The following CDK19 variants were observed in gnomAD, a reference collection of about 807,000 sequenced individuals.
CDK19 encodes cyclin-dependent kinase 19.
CDK19 carries 20 observed loss-of-function variants against 68.3 expected under a neutral mutation model. The ratio of observed to expected loss-of-function variants is 0.29; its 90% CI spans 0.21 to 0.43. The LOEUF (loss-of-function observed/expected upper bound fraction) is 0.43, where lower values mean the gene tolerates loss of function less well. Ranked by LOEUF, CDK19 falls within the 20% of genes least tolerant of loss-of-function variation. The probability of loss-of-function intolerance (pLI) is 1.00; values close to 1 mark genes in which losing one functional copy is unlikely to be tolerated. For synonymous variants in CDK19, 221 were observed against 222.8 expected (o/e 0.99, Z 0.07); for missense variants, 339 against 623.5 (o/e 0.54, Z 4.86).
At chr6:110,730,314 A>C (rs1776657360) in intron 2 of CDK19, among the ~76,000 whole-genome samples, 1 of 152,220 alleles carries the variant, frequency 6.6e-6, no homozygotes, top group Non-Finnish European at 1.5e-5. Flanking sequence ...GCAGAATTGG[A>C]TGGTTAGAGA....
intron 1 of CDK19, among the ~76,000 whole-genome samples, chr6:110,771,107 T>C (rs1438702937): frequency 1.3e-5 from 2 of 152,156 alleles, no homozygotes; most frequent in Non-Finnish European, 2.9e-5. Context: ...ATCTACCATT[T>C]TGGGGTCTGG....
chr6:110,656,333 C>T (rs1398683824), intron 4 of CDK19, among the ~76,000 whole-genome samples: 2 of 152,158 alleles, frequency 1.3e-5, no homozygotes, highest in Admixed American at 1.3e-4. Context: ...ACCACTACTT[C>T]CCCCCACAGA....
intron 4 of CDK19, among the ~76,000 whole-genome samples, chr6:110,662,495 C>A (rs1173440172): frequency 6.6e-6 from 1 of 152,130 alleles, no homozygotes; most frequent in Non-Finnish European, 1.5e-5. Context: ...ATTTAGCTGG[C>A]ATTTCTCTAT....
At chr6:110,774,823 C>T (rs1267219611) in intron 1 of CDK19, among the ~76,000 whole-genome samples, 1 of 152,180 alleles carries the variant, frequency 6.6e-6, no homozygotes, top group Non-Finnish European at 1.5e-5. Context: ...GCAGTGCACA[C>T]CTGTAGTCCC....
chr6:110,734,532 T>C (rs1163835454), intron 2 of CDK19, among the ~76,000 whole-genome samples: 4 of 145,808 alleles, frequency 2.7e-5, no homozygotes, highest in East Asian at 2.4e-4. Context: ...TCTCTCTCTC[T>C]CTCTCTCTCT....
At chr6:110,780,214 T>A (rs1225968015) in intron 1 of CDK19, among the ~76,000 whole-genome samples, 1 of 142,442 alleles carries the variant, frequency 7.0e-6, no homozygotes, top group African/African-American at 2.6e-5. Flanking sequence ...TGAGACTCCA[T>A]CTCAAAAAAA....
chr6:110,777,927 T>C (rs1780525982), intron 1 of CDK19, among the ~76,000 whole-genome samples: 1 of 152,194 alleles, frequency 6.6e-6, no homozygotes, highest in African/African-American at 2.4e-5. Context: ...GTAGGTACAG[T>C]AGTCAAATTC....
At chr6:110,653,748 T>C (rs905734002) in intron 4 of CDK19, among the ~76,000 whole-genome samples, 2 of 152,232 alleles carry the variant, frequency 1.3e-5, no homozygotes, top group African/African-American at 4.8e-5. Context: ...TCCTGAAATA[T>C]CTGCATTTTA....
rs549647330 is a variant in CDK19, at chr6:110,708,637, T to A, written c.204+37489A>T. Among the ~76,000 whole-genome samples, 3 of 152,322 alleles carry A rather than the reference T, an allele frequency of 2.0e-5. No individual in the cohort carries two copies. In the East Asian group the frequency reaches 5.8e-4, roughly 29 times the overall value. ...GGCAGGCTGATGTGTAACTTCCCTC[T>A]ACTCTTACTTTACTGTTTTCTACCA... On this transcript the variant is annotated intron_variant, in intron 2 of 12. Transcript: ENST00000368911.
At chr6:110,673,808 T>C (rs1243991108) in intron 2 of CDK19, among the ~76,000 whole-genome samples, 3 of 152,198 alleles carry the variant, frequency 2.0e-5, no homozygotes, top group African/African-American at 7.2e-5. Flanking sequence ...TCTTTTAATG[T>C]GGTCTCGAAC....
chr6:110,777,122 C>T (rs1188717875), intron 1 of CDK19, among the ~76,000 whole-genome samples: 1 of 152,172 alleles, frequency 6.6e-6, no homozygotes, highest in East Asian at 1.9e-4. Flanking sequence ...TATGTGTTCT[C>T]AAGTATTCAA....
rs528540059 is a variant in CDK19 at position 110,610,495 on chromosome 6, A to C, written c.*4040T>G. On this transcript the variant is annotated 3_prime_UTR_variant, in exon 13 of 13. Coordinates refer to ENST00000368911, the MANE Select transcript of CDK19 (RefSeq NM_015076.5). ...GCATTAAGGGTTTTTTTTTTTATAT[A>C]ATACATACATATCACCCCTTTGCAG... 6.6e-6 allele frequency: 1 copy of C among 152,398 alleles called. No individual in the cohort carries two copies. The highest frequency in any genetic ancestry group is 2.4e-5 in the African/African-American group (1 of 41,494). The allele number at this position is 152,398 out of a possible 1,614,324, so 9.4% of individuals were successfully genotyped here. A position where few individuals can be genotyped will look rare whatever the true frequency, so the allele number is the denominator to read the frequency against.
chr6:110,688,155 G>A (rs1369095260), intron 2 of CDK19, among the ~76,000 whole-genome samples: 3 of 152,084 alleles, frequency 2.0e-5, no homozygotes, highest in African/African-American at 7.2e-5. Context: ...GGAGGCCAAG[G>A]TGGGCAGATC....
At position 110,610,480 on chromosome 6, in the gene CDK19, T is replaced by G. The variant is rs1174183776; in HGVS notation, c.*4055A>C. 1.5e-5 allele frequency: 2 copies of G among 133,718 alleles called. No homozygotes were observed. Among genetic ancestry groups the G allele is most frequent in the African/African-American group, 3.3e-5 (1 of 29,984 alleles). The allele number at this position is 133,718 out of a possible 1,614,324, so 8.3% of individuals were successfully genotyped here. A position where few individuals can be genotyped will look rare whatever the true frequency, so the allele number is the denominator to read the frequency against. On this transcript the variant is annotated 3_prime_UTR_variant, in exon 13 of 13. Coordinates refer to ENST00000368911, the MANE Select transcript of CDK19 (RefSeq NM_015076.5). Reference sequence around the variant, plus strand: ...TTAGGAGATAACAGTGCATTAAGGGTTTTTTTTTTTATATAATACATACAT... The same window carrying G: ...TTAGGAGATAACAGTGCATTAAGGGGTTTTTTTTTTATATAATACATACAT...
At chr6:110,733,847 T>C (rs1776957602) in intron 2 of CDK19, among the ~76,000 whole-genome samples, 1 of 152,200 alleles carries the variant, frequency 6.6e-6, no homozygotes, top group East Asian at 1.9e-4. Flanking sequence ...TATACCACTA[T>C]TCTTGACTTA....
At chr6:110,734,298 CCA>C (rs1250165682) in intron 2 of CDK19, among the ~76,000 whole-genome samples, 1 of 152,166 alleles carries the variant, frequency 6.6e-6, no homozygotes, top group Non-Finnish European at 1.5e-5. Context: ...GCGTGAGCTA[CCA>C]CACCCAGCCA....
chr6:110,736,654 G>A (rs1777274324), intron 2 of CDK19, among the ~76,000 whole-genome samples: 1 of 152,078 alleles, frequency 6.6e-6, no homozygotes, highest in Non-Finnish European at 1.5e-5. Context: ...ATGGTCTTAA[G>A]AATAACTTAC....
intron 1 of CDK19, among the ~76,000 whole-genome samples, chr6:110,746,618 G>T (rs1778094440): frequency 6.6e-6 from 1 of 152,168 alleles, no homozygotes; most frequent in Non-Finnish European, 1.5e-5. Flanking sequence ...TTCATTTAAA[G>T]TAATTTCATA....
chr6:110,659,578 C>T (rs1234419574), intron 4 of CDK19, among the ~76,000 whole-genome samples: 1 of 152,120 alleles, frequency 6.6e-6, no homozygotes, highest in Non-Finnish European at 1.5e-5. Context: ...TAAGAAAGTA[C>T]TAATACTAGT....
Sources: allele counts gnomAD v4.1 joint callset (sites outside exome capture counted in the v4.1 genomes callset), GRCh38; gene constraint gnomAD v4.1.1; transcripts MANE v1.5; gene names NCBI Gene and HGNC (gene_info 2026-07-23, HGNC 2026-07-21).